The following ECHDC2 variants were observed in gnomAD, a reference collection of about 807,000 sequenced individuals.
The protein encoded by ECHDC2 is enoyl-CoA hydratase domain-containing protein 2, mitochondrial.
Under a neutral mutation model 40.6 loss-of-function variants are expected in ECHDC2, and 34 were observed. The ratio of observed to expected loss-of-function variants is 0.84; its 90% CI spans 0.64 to 1.11. The LOEUF is 1.11. Ranked by LOEUF, ECHDC2 falls within the 50% of genes most tolerant of loss-of-function variation. The pLI is 0.00. For synonymous variants in ECHDC2, 162 were observed against 166.6 expected (o/e 0.97, Z 0.21); for missense variants, 392 against 400.7 (o/e 0.98, Z 0.19).
At position 52,911,754 on chromosome 1, in the gene ECHDC2, C is replaced by T. The variant is rs768996501; in HGVS notation, c.158G>A (p.Arg53His). The T allele has an allele frequency of 1.5e-5, 24 of 1,613,912 alleles. 1 individual carries two copies. Among genetic ancestry groups the T allele is most frequent in the Middle Eastern group, 1.6e-4 (1 of 6,082 alleles). The stretch of plus-strand genomic sequence containing the variant: ...GACGAAGACATTCCCCAAGGCATTG[C>T]GGGCAGAAGGTCTGTTCATCAGAAT... ...TEILMNRPSA[R>H]NALGNVFVSE... The change falls in exon 2 of 10, where the codon CGC becomes CAC. Residue 53 changes from arginine (R) to histidine (H), a missense_variant. Arg to His is a conservative substitution (Grantham distance 29). Transcript: ENST00000371522.
chr1:52,914,859 G>A lies in ECHDC2; in HGVS notation c.122-3069C>T, dbSNP rs1650323823. 6.6e-6 allele frequency among the ~76,000 whole-genome samples: 1 copy of A among 151,990 alleles called. No homozygotes were observed. Among genetic ancestry groups the A allele is most frequent in the East Asian group, 1.9e-4 (1 of 5,186 alleles). ...GCATAGGCTCTTTCCTGCATCCCTC[G>A]GATCACCCACCTGGCCCTCGAGTCC... On this transcript the variant is annotated intron_variant, in intron 1 of 9. Coordinates refer to ENST00000371522, the MANE Select transcript of ECHDC2 (RefSeq NM_001198961.2). The surrounding 1 kb of genome is among the most constrained non-coding windows in gnomAD (Gnocchi z 4.0).
At chr1:52,899,378 C>G in intron 7 of ECHDC2, 154 bp from the exon 8 acceptor site, 1 of 662,780 alleles carries the variant, frequency 1.5e-6, no homozygotes, top group African/African-American at 1.8e-5. Flanking sequence ...GTCCTATAAC[C>G]TGTTAGCTGA....
chr1:52,899,210 C>CA lies in ECHDC2; in HGVS notation c.716dup (p.Arg240AlafsTer8), dbSNP rs1431377195. 6.2e-7 allele frequency: 1 copy of CA among 1,613,518 alleles called. No individual in the cohort carries two copies. The highest frequency in any genetic ancestry group is 8.5e-7 in the Non-Finnish European group (1 of 1,180,032). On this transcript the variant is annotated frameshift_variant, in exon 8 of 10. Coordinates refer to ENST00000371522, the MANE Select transcript of ECHDC2 (RefSeq NM_001198961.2). LOFTEE classifies it high-confidence loss of function. ...GGTCAATGGCTACTTTGCCCAGCCG[C>CA]ACGGCAATGGGGGCCTAGGGAAAAG...
In ECHDC2 at chr1:52,918,145, T is replaced by A. The variant is rs1272081446; in HGVS notation, c.121+3408A>T. ...CTCAAGCCATCCTCCCACCTCAGCC[T>A]CCTGAGTAGCAGGGGCTACAGGTAT... is the stretch of plus-strand genomic sequence containing the variant. On this transcript the variant is annotated intron_variant, in intron 1 of 9. Coordinates refer to ENST00000371522, the MANE Select transcript of ECHDC2 (RefSeq NM_001198961.2). Among the ~76,000 whole-genome samples the A allele has an allele frequency of 2.0e-5, 3 of 152,254 alleles. No individual in the cohort carries two copies. The East Asian group carries it at 5.8e-4, about 29-fold the overall frequency.
chr1:52,913,356 T>C (rs1478465372), intron 1 of ECHDC2: 1 of 152,226 alleles, frequency 6.6e-6, no homozygotes, highest in African/African-American at 2.4e-5. Flanking sequence ...TTTTCTATAC[T>C]CATTTAGTCA....
intron 1 of ECHDC2, chr1:52,920,587 G>A: frequency 1.6e-6 from 2 of 1,217,474 alleles, no homozygotes; most frequent in Non-Finnish European, 2.4e-6. Context: ...AAGAAATCTG[G>A]CAAAAAGTAA....
chr1:52,916,112 G>A (rs555885165), intron 1 of ECHDC2, among the ~76,000 whole-genome samples: 1 of 152,326 alleles, frequency 6.6e-6, no homozygotes, highest in South Asian at 2.1e-4. Flanking sequence ...GCCCAGCCTG[G>A]CAAGACCTGA....
intron 1 of ECHDC2, chr1:52,915,264 T>G (rs1225340882): frequency 2.2e-6 from 1 of 455,994 alleles, no homozygotes; most frequent in Admixed American, 2.4e-5. Context: ...AGACCCCTTA[T>G]TATTATCTCC....
At chr1:52,902,513 C>T (rs1647050728) in intron 7 of ECHDC2, among the ~76,000 whole-genome samples, 1 of 152,096 alleles carries the variant, frequency 6.6e-6, no homozygotes, top group African/African-American at 2.4e-5. Flanking sequence ...TGGTCTAGAA[C>T]CCCTGGTCTC....
rs571083734 is a variant in ECHDC2, at chr1:52,921,739, T to G, written c.-66A>C. ...CACCGTCTCGGCTCCCGCTGAGAGC[T>G]CGCAGTTCCGGCGTCGGGCGAAGCC... is the stretch of plus-strand genomic sequence containing the variant. On this transcript the variant is annotated 5_prime_UTR_variant, in exon 1 of 10. Transcript: ENST00000371522. 2 of 1,424,774 alleles carry G rather than the reference T, an allele frequency of 1.4e-6. No individual in the cohort carries two copies. The highest frequency in any genetic ancestry group is 5.4e-5 in the East Asian group (2 of 36,864). The allele number at this position is 1,424,774 out of a possible 1,614,324, so 88.3% of individuals were successfully genotyped here.
At position 52,899,574 on chromosome 1, in the gene ECHDC2, G is replaced by A. The variant is rs997832351; in HGVS notation, c.703-350C>T. 5 of 250,386 alleles carry A rather than the reference G, an allele frequency of 2.0e-5. No homozygotes were observed. In the Admixed American group the frequency reaches 2.0e-4, roughly 10 times the overall value. 15.5% of individuals were successfully genotyped at this position (250,386 alleles called of 1,614,324 possible). A position where few individuals can be genotyped will look rare whatever the true frequency, so the allele number is the denominator to read the frequency against. On this transcript the variant is annotated intron_variant, in intron 7 of 9. Coordinates refer to ENST00000371522, the MANE Select transcript of ECHDC2 (RefSeq NM_001198961.2). ...GTGTCATCACTGATGACCCAGCTGTGATTTTACAGCTGTGAGATTGCAGTG... is the reference window on the plus strand; with the variant it reads ...GTGTCATCACTGATGACCCAGCTGTAATTTTACAGCTGTGAGATTGCAGTG...
At chr1:52,905,987 A>G in intron 5 of ECHDC2, 1 of 272,830 alleles carries the variant, frequency 3.7e-6, no homozygotes, top group Non-Finnish European at 7.1e-6. Flanking sequence ...GCATCCAAGA[A>G]GGCTGCTCCT....
intron 5 of ECHDC2, chr1:52,906,316 TCA>T (rs990964341): frequency 1.6e-5 from 11 of 673,268 alleles, no homozygotes; most frequent in Non-Finnish European, 2.5e-5. Context: ...TTCTGACAGG[TCA>T]CAGATACTAC....
intron 8 of ECHDC2, 87 bp downstream of exon 8, chr1:52,899,087 C>A: frequency 7.2e-7 from 1 of 1,395,442 alleles, no homozygotes; most frequent in South Asian, 1.2e-5. Context: ...GAGTTTTTCC[C>A]AGCTGTGCTG....
chr1:52,896,911 T>C (rs968973918), intron 9 of ECHDC2: 52 of 331,460 alleles, frequency 1.6e-4, no homozygotes, highest in Non-Finnish European at 2.3e-4. Flanking sequence ...AAAAAATTCT[T>C]TGCAGTAAGA....
At chr1:52,897,141 G>C (rs1328109389) in intron 9 of ECHDC2, 6 of 487,510 alleles carry the variant, frequency 1.2e-5, no homozygotes, top group Non-Finnish European at 7.4e-6. Flanking sequence ...CTTTACAGTG[G>C]CATCTGATAC....
chr1:52,921,491 C>G (rs1011641676), intron 1 of ECHDC2, 62 bp downstream of exon 1: 4 of 1,543,544 alleles, frequency 2.6e-6, no homozygotes, highest in Non-Finnish European at 3.5e-6. Context: ...ACCTGCCGGT[C>G]CCCCGCTGCC....
intron 6 of ECHDC2, 77 bp downstream of exon 6, chr1:52,904,957 G>C (rs553354488): frequency 6.2e-7 from 1 of 1,603,604 alleles, no homozygotes; most frequent in African/African-American, 1.3e-5. Context: ...GCAGAGCCCA[G>C]AACAGAGGGC....
At chr1:52,897,680 T>C (rs913699841) in intron 8 of ECHDC2, 196 bp from the exon 9 acceptor site, 23 of 635,776 alleles carry the variant, frequency 3.6e-5, no homozygotes, top group Admixed American at 9.6e-5. Flanking sequence ...CTGAGACATT[T>C]TGCCAGAGAA....
Sources: allele counts gnomAD v4.1 joint callset (sites outside exome capture counted in the v4.1 genomes callset), GRCh38; gene constraint gnomAD v4.1.1; non-coding constraint Gnocchi (gnomAD v3.1); transcripts MANE v1.5; gene names NCBI Gene and HGNC (gene_info 2026-07-23, HGNC 2026-07-21).